RARB: variants seen among roughly 807,000 people sequenced by gnomAD.
RARB encodes the protein retinoic acid receptor beta.
Under a neutral mutation model 51.9 loss-of-function variants are expected in RARB, and 17 were observed. The ratio of observed to expected loss-of-function variants is 0.33; its 90% confidence interval spans 0.22 to 0.49. The LOEUF is 0.49. Ranked by LOEUF, RARB falls within the 20% of genes least tolerant of loss-of-function variation. The pLI is 0.99. For missense variants in RARB, 369 were observed against 550.8 expected, an observed-to-expected ratio of 0.67 and a Z score of 3.30; for synonymous variants, 215 against 195.4, an observed-to-expected ratio of 1.10 and a Z score of -0.84.
chr3:25,242,164 C>A (rs1702448356), intron 5 of RARB, among the ~76,000 whole-genome samples: 1 of 151,086 alleles, frequency 6.6e-6, no homozygotes, highest in African/African-American at 2.4e-5. Flanking sequence ...GTTTTTTTTT[C>A]TTGTAAATTT....
intron 3 of RARB, among the ~76,000 whole-genome samples, chr3:25,067,134 C>T (rs539015816): frequency 2.6e-5 from 4 of 152,158 alleles, no homozygotes; most frequent in South Asian, 2.1e-4. Flanking sequence ...TGGCTGATCA[C>T]GGGTGAGCAC....
intron 3 of RARB, among the ~76,000 whole-genome samples, chr3:25,116,562 A>G (rs1380154776): frequency 6.6e-6 from 1 of 152,114 alleles, no homozygotes; most frequent in African/African-American, 2.4e-5. Context: ...TGATGTGTGC[A>G]GAAAATGTAA....
chr3:24,885,460 T>G (rs1324339011), intron 2 of RARB, among the ~76,000 whole-genome samples: 1 of 152,208 alleles, frequency 6.6e-6, no homozygotes. Flanking sequence ...GTTCTGAATA[T>G]TAAATGGAGA....
At chr3:24,892,546 A>C (rs7643830) in intron 2 of RARB, among the ~76,000 whole-genome samples, 1 of 152,178 alleles carries the variant, frequency 6.6e-6, no homozygotes, top group African/African-American at 2.4e-5. Flanking sequence ...GGCTTTTGCA[A>C]ATTTGTCTGT....
intron 2 of RARB, among the ~76,000 whole-genome samples, chr3:24,901,901 A>T (rs1396986214): frequency 6.6e-6 from 1 of 152,098 alleles, no homozygotes; most frequent in African/African-American, 2.4e-5. Flanking sequence ...TAATAATAAT[A>T]AGTTGGTGCA....
chr3:25,332,503 C>T (rs1019397251), intron 5 of RARB, among the ~76,000 whole-genome samples: 2 of 152,124 alleles, frequency 1.3e-5, no homozygotes, highest in Non-Finnish European at 2.9e-5. Context: ...TCTCAATAAA[C>T]TAGGTATTGA....
At chr3:25,393,117 A>G (rs1406583849) in intron 5 of RARB, among the ~76,000 whole-genome samples, 1 of 152,018 alleles carries the variant, frequency 6.6e-6, no homozygotes. Context: ...GATTTTGTCA[A>G]ATGCTTTTTT....
chr3:25,019,899 T>G (rs955822042), intron 2 of RARB, among the ~76,000 whole-genome samples: 4 of 151,990 alleles, frequency 2.6e-5, no homozygotes, highest in Non-Finnish European at 4.4e-5. Context: ...CTTGGGAGAT[T>G]AAAGAGACTC....
chr3:25,411,825 AC>A (rs1396532579), intron 5 of RARB, among the ~76,000 whole-genome samples: 2 of 152,156 alleles, frequency 1.3e-5, no homozygotes, highest in Non-Finnish European at 2.9e-5. Flanking sequence ...GTCCCAGACT[AC>A]CCAACTTCCA....
At chr3:24,950,069 T>C (rs1436953865) in intron 2 of RARB, among the ~76,000 whole-genome samples, 1 of 152,198 alleles carries the variant, frequency 6.6e-6, no homozygotes, top group Non-Finnish European at 1.5e-5. Flanking sequence ...CCTTGTAAAA[T>C]TCATATTGTT....
chr3:24,987,046 A>G (rs545445892), intron 2 of RARB, among the ~76,000 whole-genome samples: 3 of 152,294 alleles, frequency 2.0e-5, no homozygotes, highest in Admixed American at 2.0e-4. Flanking sequence ...CTTTCTCTCA[A>G]AAAACAATCT....
intron 5 of RARB, among the ~76,000 whole-genome samples, chr3:25,404,407 G>A (rs1707350082): frequency 6.6e-6 from 1 of 152,172 alleles, no homozygotes; most frequent in Admixed American, 6.5e-5. Flanking sequence ...ATTCCCTGGA[G>A]CCACCATTTT....
Position 25,501,279 on chromosome 3 carries a change from A to G in RARB, c.404A>G (p.Tyr135Cys). Residue 135 changes from tyrosine to cysteine, a missense_variant, in exon 3 of 8, where the codon TAC (tyrosine) becomes TGC (cysteine). Coordinates refer to ENST00000330688, the MANE Select transcript of RARB (RefSeq NM_000965.5). ...INKVTRNRCQYCRLQKCFEVG... is the reference protein window; with the variant it reads ...INKVTRNRCQCCRLQKCFEVG... ...AAAGTCACCAGGAATCGATGCCAAT[A>G]CTGTCGACTCCAGAAGTGCTTTGAA... 1 of 1,611,950 alleles carries G rather than the reference A, an allele frequency of 6.2e-7. No individual in the cohort carries two copies. The highest frequency in any genetic ancestry group is 8.5e-7 in the Non-Finnish European group (1 of 1,179,412).
At chr3:25,029,782 G>A (rs1018841982) in intron 2 of RARB, among the ~76,000 whole-genome samples, 3 of 152,222 alleles carry the variant, frequency 2.0e-5, no homozygotes, top group Admixed American at 1.3e-4. Flanking sequence ...AATGGGCAAT[G>A]AGGGTCACAC....
intron 5 of RARB, among the ~76,000 whole-genome samples, chr3:25,239,065 G>T (rs1354430051): frequency 6.6e-6 from 1 of 152,146 alleles, no homozygotes; most frequent in Non-Finnish European, 1.5e-5. Context: ...TAGTGATGTT[G>T]AACATTTTTT....
intron 5 of RARB, among the ~76,000 whole-genome samples, chr3:25,361,440 G>A (rs758717648): frequency 2.0e-5 from 3 of 152,022 alleles, no homozygotes; most frequent in African/African-American, 4.8e-5. Flanking sequence ...CCTGTAACTC[G>A]GAGGAGTTTG....
chr3:25,543,887 G>A (rs1699496454), intron 3 of RARB, among the ~76,000 whole-genome samples: 1 of 152,194 alleles, frequency 6.6e-6, no homozygotes, highest in African/African-American at 2.4e-5. Flanking sequence ...ACTGCATATG[G>A]CTTGGCCATG....
At chr3:25,364,444 T>C (rs1706049835) in intron 5 of RARB, among the ~76,000 whole-genome samples, 2 of 152,188 alleles carry the variant, frequency 1.3e-5, no homozygotes, top group South Asian at 4.1e-4. Context: ...TTACACAAAA[T>C]GTGGGCTTCA....
At chr3:25,055,724 G>A (rs34304564) in intron 2 of RARB, among the ~76,000 whole-genome samples, 2 of 152,044 alleles carry the variant, frequency 1.3e-5, no homozygotes, top group Non-Finnish European at 2.9e-5. Context: ...GAGTAACTTC[G>A]GTTTGATCCT....
Sources: allele counts gnomAD v4.1 joint callset (sites outside exome capture counted in the v4.1 genomes callset), GRCh38; gene constraint gnomAD v4.1.1; transcripts MANE v1.5; gene names NCBI Gene and HGNC (gene_info 2026-07-23, HGNC 2026-07-21).